Variants in GRXCR2 observed in about 807,000 individuals in gnomAD.
GRXCR2 encodes the protein glutaredoxin and cysteine rich domain containing 2.
A neutral mutation model predicts 24.8 loss-of-function variants in GRXCR2; 23 were observed. That is an observed-to-expected ratio of 0.93 (90% confidence interval 0.67 to 1.32). GRXCR2 has a LOEUF of 1.32. Among genes scored for constraint, GRXCR2 ranks in the 40% most tolerant of loss-of-function variants. The pLI is 0.00. For missense variants in GRXCR2, 315 were observed against 303.4 expected (o/e 1.04, Z -0.28); for synonymous variants, 130 against 116.1 (o/e 1.12, Z -0.77).
intron 2 of GRXCR2, among the ~76,000 whole-genome samples, chr5:145,890,893 A>G (rs367905745): frequency 2.1e-4 from 32 of 152,290 alleles, no homozygotes; most frequent in African/African-American, 7.7e-4. Context: ...CTCACACATA[A>G]TGACACCCAT....
chr5:145,881,177 C>T (rs1756694960), intron 2 of GRXCR2, among the ~76,000 whole-genome samples: 1 of 152,136 alleles, frequency 6.6e-6, no homozygotes, highest in East Asian at 1.9e-4. Flanking sequence ...AAGTTCTGGC[C>T]AGGGCAATCA....
At chr5:145,889,694 G>T (rs1296134703) in intron 2 of GRXCR2, among the ~76,000 whole-genome samples, 1 of 152,128 alleles carries the variant, frequency 6.6e-6, no homozygotes, top group Non-Finnish European at 1.5e-5. Context: ...CCAAAGCATT[G>T]CATTAGCTTT....
intron 2 of GRXCR2, among the ~76,000 whole-genome samples, chr5:145,914,972 C>T (rs1266506389): frequency 6.6e-6 from 1 of 152,186 alleles, no homozygotes; most frequent in Non-Finnish European, 1.5e-5. Flanking sequence ...GCATTAGGAT[C>T]ACCAGAGGTT....
chr5:145,909,528 C>G (rs1020981570), intron 2 of GRXCR2, among the ~76,000 whole-genome samples: 7 of 152,124 alleles, frequency 4.6e-5, no homozygotes, highest in Admixed American at 3.3e-4. Flanking sequence ...TCTCTATTGC[C>G]CCCCTCAGTG....
intron 2 of GRXCR2, among the ~76,000 whole-genome samples, chr5:145,892,177 T>C (rs569575645): frequency 6.3e-4 from 95 of 151,632 alleles, no homozygotes; most frequent in Non-Finnish European, 1.2e-3. Context: ...ACCACAAAGA[T>C]AGGGAAAAAA....
intron 1 of GRXCR2, among the ~76,000 whole-genome samples, chr5:145,871,070 T>C (rs576763515): frequency 1.3e-5 from 2 of 151,638 alleles, no homozygotes; most frequent in East Asian, 3.9e-4. Flanking sequence ...ACCCTGTCTC[T>C]AAAAAAGAAA....
intron 2 of GRXCR2, among the ~76,000 whole-genome samples, chr5:145,880,618 G>A (rs536782741): frequency 6.6e-6 from 1 of 152,256 alleles, no homozygotes; most frequent in South Asian, 2.1e-4. Flanking sequence ...GCAGGAGCTG[G>A]TACCATTCCT....
At chr5:145,926,611 T>C (rs1270724440) in intron 2 of GRXCR2, among the ~76,000 whole-genome samples, 3 of 152,224 alleles carry the variant, frequency 2.0e-5, no homozygotes, top group South Asian at 4.1e-4. Context: ...ACCAGTACCA[T>C]GCTGTTTTGG....
chr5:145,876,191 G>GTGTATATA (rs1412232264), upstream of GRXCR2, among the ~76,000 whole-genome samples: 906 of 105,192 alleles, frequency 8.6e-3, 4 homozygotes, highest in East Asian at 0.026. Flanking sequence ...GTGTGTGTGT[G>GTGTATATA]TATATATATA....
intron 2 of GRXCR2, among the ~76,000 whole-genome samples, chr5:145,903,552 T>C (rs528512466): frequency 1.3e-5 from 2 of 150,790 alleles, no homozygotes; most frequent in South Asian, 4.2e-4. Flanking sequence ...AGAGCTCAGA[T>C]CCCAACTTAG....
chr5:145,899,907 G>T (rs1561686319), intron 2 of GRXCR2, among the ~76,000 whole-genome samples: 1 of 151,990 alleles, frequency 6.6e-6, no homozygotes, highest in Non-Finnish European at 1.5e-5. Context: ...ACTGATAAAT[G>T]GGACCTAATT....
At chr5:145,915,212 G>A (rs947671677) in intron 2 of GRXCR2, among the ~76,000 whole-genome samples, 3 of 152,196 alleles carry the variant, frequency 2.0e-5, no homozygotes, top group Non-Finnish European at 4.4e-5. Context: ...GGATGGAGCA[G>A]GTGCAGGGGG....
At chr5:145,869,046 T>C (rs183517442) in intron 1 of GRXCR2, among the ~76,000 whole-genome samples, 1 of 152,370 alleles carries the variant, frequency 6.6e-6, no homozygotes, top group African/African-American at 2.4e-5. Context: ...TACTCTTTTG[T>C]CTGTGGCAAC....
intron 2 of GRXCR2, among the ~76,000 whole-genome samples, chr5:145,913,675 CAT>C (rs1221142870): frequency 3.3e-5 from 5 of 151,924 alleles, no homozygotes; most frequent in Admixed American, 6.6e-5. Context: ...AAGATCTTTT[CAT>C]TTAATTTTTA....
intron 2 of GRXCR2, among the ~76,000 whole-genome samples, chr5:145,900,834 C>T (rs1438406824): frequency 6.6e-6 from 1 of 152,154 alleles, no homozygotes; most frequent in African/African-American, 2.4e-5. Flanking sequence ...AAGACACATG[C>T]ACTTCATCAC....
chr5:145,914,675 C>CAA (rs34955541), intron 2 of GRXCR2, among the ~76,000 whole-genome samples: 16 of 55,240 alleles, frequency 2.9e-4, no homozygotes, highest in Non-Finnish European at 3.8e-4. Context: ...GACTCCATCT[C>CAA]AAAAAAAAAA....
At chr5:145,895,315 T>G (rs1010549057) in intron 2 of GRXCR2, among the ~76,000 whole-genome samples, 5 of 151,700 alleles carry the variant, frequency 3.3e-5, no homozygotes, top group African/African-American at 1.2e-4. Context: ...AAATAAAGAG[T>G]ATTCGACTAG....
Position 145,866,595 on chromosome 5 carries a change from A to G in GRXCR2, c.470T>C (p.Leu157Pro). 6.2e-7 allele frequency: 1 copy of G among 1,614,134 alleles called. No individual in the cohort carries two copies. Among genetic ancestry groups the G allele is most frequent in the East Asian group, 2.2e-5 (1 of 44,884 alleles). Residue 157 changes from leucine to proline, a missense_variant, in exon 2 of 3, where the codon CTG (leucine) becomes CCG (proline). Leu to Pro is a moderately conservative substitution (Grantham distance 98). Coordinates refer to ENST00000377976, the MANE Select transcript of GRXCR2 (RefSeq NM_001080516.2). ...QKEEEAEEES[L>P]MNKEESYGGR... is the part of the protein sequence containing the mutation. ...TCCATAGCTTTCTTCTTTGTTCATC[A>G]GAGACTCTTCCTCAGCCTCCTCTTC...
chr5:145,881,521 A>C (rs977163764), intron 2 of GRXCR2, among the ~76,000 whole-genome samples: 2 of 152,228 alleles, frequency 1.3e-5, no homozygotes, highest in African/African-American at 2.4e-5. Context: ...TCAACGAAAT[A>C]AAAGAGGATA....
Sources: gnomAD v4.1 joint callset for allele counts (sites outside exome capture counted in the v4.1 genomes callset) on GRCh38, gnomAD v4.1.1 for gene constraint, MANE v1.5 for transcripts, NCBI Gene and HGNC (gene_info 2026-07-23, HGNC 2026-07-21) for gene names.